The following PTN variants were observed in gnomAD, a reference collection of about 807,000 sequenced individuals.
The protein encoded by PTN is pleiotrophin.
Under a neutral mutation model 24.1 loss-of-function variants are expected in PTN, and 18 were observed. The observed-to-expected ratio is 0.75, with a 90% CI of 0.52 to 1.11. PTN has a LOEUF of 1.11. Ranked by LOEUF, PTN falls within the 50% of genes least tolerant of loss-of-function variation. PTN has a pLI of 0.00. For missense variants in PTN, 163 were observed against 198.8 expected, an observed-to-expected ratio of 0.82 and a Z score of 1.08; for synonymous variants, 78 against 68.6, an observed-to-expected ratio of 1.14 and a Z score of -0.67.
chr7:137,267,397 T>G (rs1169748703), intron 1 of PTN, among the ~76,000 whole-genome samples: 5 of 150,584 alleles, frequency 3.3e-5, no homozygotes, highest in South Asian at 2.1e-4. Flanking sequence ...TAACTACTGT[T>G]GGGGGGAAGG....
At chr7:137,329,417 G>A (rs540152724) in intron 1 of PTN, among the ~76,000 whole-genome samples, 1 of 152,196 alleles carries the variant, frequency 6.6e-6, no homozygotes, top group South Asian at 2.1e-4. Context: ...TTGACTTATT[G>A]CCATGGGTCC....
At chr7:137,264,245 A>G (rs1378052959) in intron 1 of PTN, among the ~76,000 whole-genome samples, 1 of 152,128 alleles carries the variant, frequency 6.6e-6, no homozygotes, top group Non-Finnish European at 1.5e-5. Context: ...TATGCAAACA[A>G]GTTTCTTTTA....
chr7:137,332,179 C>T (rs938011175), intron 1 of PTN, among the ~76,000 whole-genome samples: 3 of 152,166 alleles, frequency 2.0e-5, no homozygotes, highest in African/African-American at 7.2e-5. Flanking sequence ...CCCAATTACG[C>T]ATCTAACTAT....
At chr7:137,294,439 T>C (rs1387323155) in intron 1 of PTN, among the ~76,000 whole-genome samples, 1 of 152,188 alleles carries the variant, frequency 6.6e-6, no homozygotes, top group African/African-American at 2.4e-5. Flanking sequence ...TGCATCATGA[T>C]GGACAATAGC....
intron 1 of PTN, among the ~76,000 whole-genome samples, chr7:137,314,484 A>C (rs1207324837): frequency 6.6e-6 from 1 of 152,076 alleles, no homozygotes; most frequent in East Asian, 1.9e-4. Flanking sequence ...GACTCTCAGG[A>C]GATTAGATGG....
At chr7:137,341,499 A>G (rs1232218148) in intron 1 of PTN, among the ~76,000 whole-genome samples, 2 of 149,462 alleles carry the variant, frequency 1.3e-5, no homozygotes, top group Non-Finnish European at 2.9e-5. Context: ...ACATTAGACT[A>G]TAAATATAGT....
chr7:137,268,600 G>C (rs913903208), intron 1 of PTN, among the ~76,000 whole-genome samples: 1 of 152,162 alleles, frequency 6.6e-6, no homozygotes, highest in African/African-American at 2.4e-5. Context: ...AGAACGGGAG[G>C]TTTCACAGTG....
chr7:137,300,711 C>A (rs1225602327), intron 1 of PTN, among the ~76,000 whole-genome samples: 1 of 151,922 alleles, frequency 6.6e-6, no homozygotes, highest in Non-Finnish European at 1.5e-5. Flanking sequence ...AGAACACACT[C>A]CCCCAGTAAC....
intron 4 of PTN, among the ~76,000 whole-genome samples, chr7:137,246,989 T>C (rs1808734219): frequency 6.6e-6 from 1 of 152,226 alleles, no homozygotes; most frequent in Admixed American, 6.5e-5. Context: ...TTAAATTAAA[T>C]GACTAGGAGC....
chr7:137,333,399 A>G (rs1810392907), intron 1 of PTN, among the ~76,000 whole-genome samples: 1 of 152,212 alleles, frequency 6.6e-6, no homozygotes, highest in Admixed American at 6.5e-5. Context: ...GCCTGAGTGA[A>G]GATTTTCTGT....
chr7:137,303,580 G>A (rs1809839585), intron 1 of PTN, among the ~76,000 whole-genome samples: 1 of 151,900 alleles, frequency 6.6e-6, no homozygotes, highest in South Asian at 2.1e-4. Context: ...AAACACTGTA[G>A]ATGTCTGTGT....
chr7:137,321,165 G>T (rs1041980085), intron 1 of PTN, among the ~76,000 whole-genome samples: 3 of 152,058 alleles, frequency 2.0e-5, no homozygotes, highest in African/African-American at 7.2e-5. Flanking sequence ...TAACACATGT[G>T]CAGCTAAACA....
intron 1 of PTN, among the ~76,000 whole-genome samples, chr7:137,316,300 A>G (rs921407793): frequency 2.0e-5 from 3 of 152,180 alleles, no homozygotes; most frequent in Non-Finnish European, 4.4e-5. Flanking sequence ...CTCCATTCTC[A>G]GTCTCTCCAT....
intron 3 of PTN, 26 bp from the exon 4 acceptor site, chr7:137,251,417 A>T (rs1808825025): frequency 1.2e-6 from 2 of 1,605,106 alleles, no homozygotes; most frequent in Non-Finnish European, 1.7e-6. Context: ...AACCAAACAG[A>T]AATCCTTGAA....
At chr7:137,313,722 C>G (rs1472291689) in intron 1 of PTN, among the ~76,000 whole-genome samples, 1 of 152,160 alleles carries the variant, frequency 6.6e-6, no homozygotes, top group Non-Finnish European at 1.5e-5. Flanking sequence ...ACATGAGTAA[C>G]TAATCTGAAA....
intron 1 of PTN, among the ~76,000 whole-genome samples, chr7:137,313,980 A>C: frequency 6.6e-6 from 1 of 152,184 alleles, no homozygotes; most frequent in East Asian, 1.9e-4. Flanking sequence ...GAAGGGTCTG[A>C]GAAATCACAT....
chr7:137,329,456 G>A (rs150119241), intron 1 of PTN, among the ~76,000 whole-genome samples: 6 of 152,214 alleles, frequency 3.9e-5, no homozygotes, highest in Non-Finnish European at 8.8e-5. Context: ...AGTTAGGGAC[G>A]CCACTGTCCA....
chr7:137,245,998 A>C (rs1201467263), intron 4 of PTN, among the ~76,000 whole-genome samples: 2 of 152,182 alleles, frequency 1.3e-5, no homozygotes, highest in African/African-American at 4.8e-5. Flanking sequence ...CTGTTGGAGA[A>C]AGAAAAATAT....
At chr7:137,280,558 A>G (rs1019314728) in intron 1 of PTN, among the ~76,000 whole-genome samples, 1 of 151,442 alleles carries the variant, frequency 6.6e-6, no homozygotes, top group African/African-American at 2.4e-5. Context: ...GCAAACAGAA[A>G]CCATGCAAAC....
Sources: allele counts gnomAD v4.1 joint callset (sites outside exome capture counted in the v4.1 genomes callset), GRCh38; gene constraint gnomAD v4.1.1; transcripts MANE v1.5; gene names NCBI Gene and HGNC (gene_info 2026-07-23, HGNC 2026-07-21).